VIL1: variants seen among roughly 807,000 people sequenced by gnomAD.
VIL1 encodes the protein villin-1.
Under a neutral mutation model 104.0 loss-of-function variants are expected in VIL1, and 86 were observed. The observed-to-expected ratio is 0.83, with a 90% CI of 0.69 to 0.99. VIL1 has a LOEUF of 0.99. VIL1 is among the 50% of genes least tolerant of loss of function. The probability of loss-of-function intolerance (pLI) is 0.00; values close to 1 mark genes in which losing one functional copy is unlikely to be tolerated. For synonymous variants in VIL1, 394 were observed against 412.6 expected, an observed-to-expected ratio of 0.95 and a Z score of 0.55; for missense variants, 944 against 1,054.1, an observed-to-expected ratio of 0.90 and a Z score of 1.45.
intron 19 of VIL1, among the ~76,000 whole-genome samples, chr2:218,441,680 A>G (rs993483900): frequency 6.6e-6 from 1 of 151,858 alleles, no homozygotes; most frequent in Non-Finnish European, 1.5e-5. Flanking sequence ...ATTATGGTTG[A>G]AGTAGCAGAG....
At chr2:218,425,128 T>G (rs1300115714) in intron 3 of VIL1, among the ~76,000 whole-genome samples, 1 of 152,260 alleles carries the variant, frequency 6.6e-6, no homozygotes, top group Non-Finnish European at 1.5e-5. Context: ...TCGCCCAGGC[T>G]GGAGTGCAAT....
intron 15 of VIL1, 110 bp from the exon 16 acceptor site, chr2:218,436,372 G>T: frequency 7.2e-7 from 1 of 1,393,210 alleles, no homozygotes; most frequent in Middle Eastern, 1.9e-4. Context: ...AGAGCATTTT[G>T]CTGGAGATGA....
intron 9 of VIL1, among the ~76,000 whole-genome samples, chr2:218,430,268 C>T (rs1379200703): frequency 6.6e-6 from 1 of 152,114 alleles, no homozygotes; most frequent in Non-Finnish European, 1.5e-5. Context: ...TGGAGGGAGG[C>T]TGGCTTCCTA....
chr2:218,437,207 T>G lies in VIL1; in HGVS notation c.2055T>G (p.His685Gln). Residue 685 changes from histidine to glutamine, a missense_variant, in exon 17 of 20, where the codon CAT becomes CAG. His to Gln is a conservative substitution (Grantham distance 24). Transcript: ENST00000248444. ...ATTAQEYLKTHPSGRDPETPI... is the reference protein window; with the variant it reads ...ATTAQEYLKTQPSGRDPETPI... ...CTGCACAGGAATACCTCAAGACCCA[T>G]CCCAGCGGGCGTGACCCTGAGACCC... The G allele has an allele frequency of 6.2e-7, 1 of 1,614,156 alleles. No homozygotes were observed. Among genetic ancestry groups the G allele is most frequent in the Admixed American group, 1.7e-5 (1 of 60,014 alleles).
At chr2:218,435,934 G>A (rs1222361803) in intron 15 of VIL1, among the ~76,000 whole-genome samples, 4 of 152,166 alleles carry the variant, frequency 2.6e-5, no homozygotes, top group Non-Finnish European at 5.9e-5. Context: ...CGCCTCCCAG[G>A]TTCCAGCAAT....
At chr2:218,446,759 A>ATT (rs1559151598) in intron 19 of VIL1, among the ~76,000 whole-genome samples, 2 of 50,174 alleles carry the variant, frequency 4.0e-5, no homozygotes, top group African/African-American at 2.2e-4. Flanking sequence ...AGTGACCTTG[A>ATT]CTTTTTTTTT....
intron 2 of VIL1, 82 bp downstream of exon 2, chr2:218,423,935 C>A: frequency 6.6e-7 from 1 of 1,509,836 alleles, no homozygotes; most frequent in Non-Finnish European, 9.2e-7. Flanking sequence ...TGGGATTTCT[C>A]TTCGTTTCCT....
At position 218,434,698 on chromosome 2, in the gene VIL1, G is replaced by A; in HGVS notation, c.1673G>A (p.Cys558Tyr). 1.2e-6 allele frequency: 2 copies of A among 1,612,530 alleles called. No individual in the cohort carries two copies. The highest frequency in any genetic ancestry group is 1.7e-6 in the Non-Finnish European group (2 of 1,179,184). ...ACCCAGTCTTGCTGCTATCTATGGT[G>A]TGGGAAGGTGTGTTCAGGGTCTAGA... is the stretch of plus-strand genomic sequence containing the variant. Reference protein sequence around the residue: ...LKTQSCCYLWCGKGCSGDERE... With the variant: ...LKTQSCCYLWYGKGCSGDERE... The change falls in exon 14 of 20, where the codon TGT becomes TAT. Residue 558 changes from cysteine to tyrosine, a missense_variant. Physicochemically the swap from Cys to Tyr is radical, Grantham distance 194 (BLOSUM62 -2). Coordinates refer to ENST00000248444, the MANE Select transcript of VIL1 (RefSeq NM_007127.3).
In VIL1 at chr2:218,425,613, A is replaced by T. The variant is rs762338037; in HGVS notation, c.151-2A>T. 5.0e-6 allele frequency: 8 copies of T among 1,614,002 alleles called. No homozygotes were observed. The highest frequency in any genetic ancestry group is 6.8e-6 in the Non-Finnish European group (8 of 1,179,962). On this transcript the variant is annotated splice_acceptor_variant, in intron 3 of 19. Transcript: ENST00000248444. LOFTEE classifies it high-confidence loss of function. ...CGGGTACACTGGACACCTTTTCCCT[A>T]GATCCACAAGACAGCCAGCAGCCTG...
At chr2:218,428,403 C>T (rs1689040122) in intron 6 of VIL1, 66 bp downstream of exon 6, 3 of 1,394,804 alleles carry the variant, frequency 2.2e-6, no homozygotes, top group East Asian at 4.6e-5. Context: ...CTCCTTTCCC[C>T]AGGCCTCTCC....
chr2:218,448,655 C>A (rs1689409083), intron 19 of VIL1, among the ~76,000 whole-genome samples: 1 of 151,894 alleles, frequency 6.6e-6, no homozygotes, highest in Non-Finnish European at 1.5e-5. Flanking sequence ...GTGAACTTGA[C>A]CCTTGTACAA....
At chr2:218,433,059 A>G in intron 13 of VIL1, 108 bp downstream of exon 13, 1 of 1,361,806 alleles carries the variant, frequency 7.3e-7, no homozygotes, top group South Asian at 1.3e-5. Context: ...GGTGAAGCCC[A>G]TTCTTCATAG....
At chr2:218,443,783 T>A (rs1689321522) in intron 19 of VIL1, among the ~76,000 whole-genome samples, 1 of 151,920 alleles carries the variant, frequency 6.6e-6, no homozygotes, top group Non-Finnish European at 1.5e-5. Flanking sequence ...GCCTCCTTAG[T>A]AGCTGGGACT....
chr2:218,429,039 A>G (rs112442035), intron 6 of VIL1, among the ~76,000 whole-genome samples: 57 of 152,324 alleles, frequency 3.7e-4, no homozygotes, highest in African/African-American at 1.3e-3. Context: ...CTGTCAGAAC[A>G]GAAGGCCCAG....
intron 1 of VIL1, among the ~76,000 whole-genome samples, chr2:218,421,853 G>A (rs1038368460): frequency 1.3e-5 from 2 of 152,156 alleles, no homozygotes; most frequent in African/African-American, 4.8e-5. Context: ...ATGTCCCTGG[G>A]TGAGGCTTTA....
At chr2:218,445,118 G>A (rs982210062) in intron 19 of VIL1, among the ~76,000 whole-genome samples, 23 of 152,310 alleles carry the variant, frequency 1.5e-4, no homozygotes, top group African/African-American at 5.5e-4. Context: ...CAAGTACTCA[G>A]CCGAGTGCGG....
chr2:218,430,182 C>G (rs1272513268), intron 9 of VIL1, among the ~76,000 whole-genome samples: 1 of 152,208 alleles, frequency 6.6e-6, no homozygotes. Context: ...AACCACCAGG[C>G]AACCCTGGGG....
chr2:218,425,496 C>T (rs921208637), intron 3 of VIL1, 119 bp from the exon 4 acceptor site: 1 of 977,764 alleles, frequency 1.0e-6, no homozygotes, highest in African/African-American at 1.6e-5. Context: ...CAGCCTAGTG[C>T]ACTTGCCCTG....
intron 16 of VIL1, 108 bp from the exon 17 acceptor site, chr2:218,437,016 G>A: frequency 1.5e-6 from 2 of 1,334,098 alleles, no homozygotes; most frequent in Admixed American, 4.2e-5. Flanking sequence ...GGCTGGTAGT[G>A]GTAGAGTCAG....
Sources: gnomAD v4.1 joint callset for allele counts (sites outside exome capture counted in the v4.1 genomes callset) on GRCh38, gnomAD v4.1.1 for gene constraint, MANE v1.5 for transcripts, NCBI Gene and HGNC (gene_info 2026-07-23, HGNC 2026-07-21) for gene names.